Variants in CRKL observed in about 807,000 individuals in gnomAD.
CRKL encodes the protein crk-like protein.
CRKL carries 3 observed loss-of-function variants against 23.0 expected under a neutral mutation model. That is an observed-to-expected ratio of 0.13 (90% CI 0.06 to 0.34). CRKL has a LOEUF of 0.34. Ranked by LOEUF, CRKL falls within the 10% of genes least tolerant of loss-of-function variation. The probability of loss-of-function intolerance (pLI) is 1.00; values close to 1 mark genes in which losing one functional copy is unlikely to be tolerated. For missense variants in CRKL, 256 were observed against 394.5 expected (o/e 0.65, Z 2.97); for synonymous variants, 188 against 160.7 (o/e 1.17, Z -1.28).
intron 2 of CRKL, among the ~76,000 whole-genome samples, chr22:20,949,113 T>C (rs1184717106): frequency 6.6e-6 from 1 of 151,656 alleles, no homozygotes; most frequent in Non-Finnish European, 1.5e-5. Flanking sequence ...GCTGTTTCTG[T>C]GTGTGTGTGT....
intron 1 of CRKL, among the ~76,000 whole-genome samples, chr22:20,921,536 G>GGCGTGGTCAGAGAAAGCATGGGT (rs1920994793): frequency 1.4e-5 from 2 of 143,676 alleles, no homozygotes; most frequent in South Asian, 4.2e-4. Context: ...CCTACCTGGG[G>GGCGTGGTCAGAGAAAGCATGGGT]TGGCGTGGTC....
chr22:20,953,424 AAACAACAACAAC>A lies in CRKL; in HGVS notation c.*3596_*3607del, dbSNP rs55778752. ...TAGACGGTCTTCACTGTGTGTTTTAAAACAACAACAACAACAACAACAACAACATAAAACTCT... is the reference window on the plus strand; with the variant it reads ...TAGACGGTCTTCACTGTGTGTTTTAAAACAACAACAACAACATAAAACTCT... On this transcript the variant is annotated 3_prime_UTR_variant, in exon 3 of 3. Transcript: ENST00000354336. The A allele has an allele frequency of 5.6e-4, 127 of 227,962 alleles. No individual in the cohort carries two copies. The highest frequency in any genetic ancestry group is 3.1e-3 in the Admixed American group (55 of 17,494). The allele number at this position is 227,962 out of a possible 1,614,324, so 14.1% of individuals were successfully genotyped here.
At chr22:20,933,407 T>G (rs1376768233) in intron 1 of CRKL, among the ~76,000 whole-genome samples, 2 of 148,594 alleles carry the variant, frequency 1.3e-5, no homozygotes, top group Non-Finnish European at 3.0e-5. Context: ...TGGCTCATGC[T>G]TGTAATCCCA....
chr22:20,932,355 C>G (rs1014814887), intron 1 of CRKL, among the ~76,000 whole-genome samples: 1 of 152,122 alleles, frequency 6.6e-6, no homozygotes, highest in African/African-American at 2.4e-5. Flanking sequence ...CCTTGGCCTC[C>G]CAAGGTGCTG....
Position 20,950,106 on chromosome 22 carries a change from G to A in CRKL, c.*261G>A, listed in dbSNP as rs760366910. On this transcript the variant is annotated 3_prime_UTR_variant, in exon 3 of 3. Coordinates refer to ENST00000354336, the MANE Select transcript of CRKL (RefSeq NM_005207.4). ...GAAATACTGATGGAAGCACACAAGT[G>A]GAGAGAAGTTGACATGGAAAGGGTC... The A allele has an allele frequency of 4.4e-6, 2 of 452,998 alleles. No individual in the cohort carries two copies. Among genetic ancestry groups the A allele is most frequent in the Non-Finnish European group, 7.7e-6 (2 of 259,740 alleles). The allele number at this position is 452,998 out of a possible 1,614,324, so 28.1% of individuals were successfully genotyped here.
Position 20,952,187 on chromosome 22 carries a change from G to GCTTGACAC in CRKL, c.*2346_*2353dup, listed in dbSNP as rs1352128131. Reference sequence around the variant, plus strand: ...TTTTTCAACCAGATTTAGCTGAAGGGCTTGACACCTTTGAATTACAGCAGT... The same window carrying GCTTGACAC: ...TTTTTCAACCAGATTTAGCTGAAGGGCTTGACACCTTGACACCTTTGAATTACAGCAGT... On this transcript the variant is annotated 3_prime_UTR_variant, in exon 3 of 3. Coordinates refer to ENST00000354336, the MANE Select transcript of CRKL (RefSeq NM_005207.4). 1 of 228,734 alleles carries GCTTGACAC rather than the reference G, an allele frequency of 4.4e-6. No individual in the cohort carries two copies. The highest frequency in any genetic ancestry group is 2.3e-5 in the African/African-American group (1 of 44,234). The allele number at this position is 228,734 out of a possible 1,614,324, so 14.2% of individuals were successfully genotyped here.
At chr22:20,932,586 AACTT>A (rs1180886913) in intron 1 of CRKL, among the ~76,000 whole-genome samples, 17 of 152,174 alleles carry the variant, frequency 1.1e-4, no homozygotes, top group Non-Finnish European at 1.9e-4. Context: ...GCAGCTTCCG[AACTT>A]ACTTGAGATT....
chr22:20,948,422 G>A (rs1922148992), intron 2 of CRKL, among the ~76,000 whole-genome samples: 2 of 151,998 alleles, frequency 1.3e-5, no homozygotes, highest in Non-Finnish European at 2.9e-5. Context: ...CATCCAAAGG[G>A]TATGATCATT....
intron 2 of CRKL, among the ~76,000 whole-genome samples, chr22:20,940,999 A>G (rs187680343): frequency 2.6e-5 from 4 of 152,100 alleles, no homozygotes; most frequent in Admixed American, 2.6e-4. Context: ...ATGAATCCCT[A>G]AGAGATCATC....
Position 20,924,494 on chromosome 22 carries a change from G to A in CRKL, c.311+6249G>A, listed in dbSNP as rs969753508. Among the ~76,000 whole-genome samples, 4 of 152,224 alleles carry A rather than the reference G, an allele frequency of 2.6e-5. No individual in the cohort carries two copies. The South Asian group carries it at 6.2e-4, about 24-fold the overall frequency. On this transcript the variant is annotated intron_variant, in intron 1 of 2. Transcript: ENST00000354336. ...TTTAATCAGCATAGAATTCAACTCT[G>A]TGAATAAACCCCTTTGCGTTTCTCC... is the stretch of plus-strand genomic sequence containing the variant.
chr22:20,939,321 A>G (rs1249901753), intron 2 of CRKL, among the ~76,000 whole-genome samples: 1 of 141,720 alleles, frequency 7.1e-6, no homozygotes, highest in Non-Finnish European at 1.5e-5. Context: ...GCTCACTGCA[A>G]GCTCCGCCTC....
At chr22:20,941,843 C>T (rs1178610899) in intron 2 of CRKL, among the ~76,000 whole-genome samples, 4 of 151,458 alleles carry the variant, frequency 2.6e-5, no homozygotes, top group African/African-American at 7.3e-5. Flanking sequence ...CCACTGCACC[C>T]GGCCCAGAAA....
At chr22:20,930,536 C>T (rs536702991) in intron 1 of CRKL, among the ~76,000 whole-genome samples, 1 of 152,290 alleles carries the variant, frequency 6.6e-6, no homozygotes, top group Admixed American at 6.5e-5. Context: ...CACGCCACCA[C>T]ACCTGGCTAA....
intron 1 of CRKL, among the ~76,000 whole-genome samples, chr22:20,930,930 C>T (rs1034606436): frequency 6.6e-6 from 1 of 151,906 alleles, no homozygotes; most frequent in Non-Finnish European, 1.5e-5. Context: ...GATCCGTCCA[C>T]CTCAGCCTCC....
intron 2 of CRKL, among the ~76,000 whole-genome samples, chr22:20,936,345 G>A (rs909326175): frequency 6.6e-6 from 1 of 151,818 alleles, no homozygotes; most frequent in Non-Finnish European, 1.5e-5. Flanking sequence ...TTTTGTTTTT[G>A]TTTTTGTTTT....
intron 2 of CRKL, among the ~76,000 whole-genome samples, chr22:20,940,666 TTGCTC>T (rs1319311563): frequency 6.6e-6 from 1 of 151,458 alleles, no homozygotes; most frequent in Admixed American, 6.6e-5. Context: ...ATTCCCATAA[TTGCTC>T]TGTGTCATCT....
Position 20,917,972 on chromosome 22 carries a change from C to T in CRKL, c.38C>T (p.Ala13Val), listed in dbSNP as rs776257196. ...AGGTTCGACTCCTCGGACCGCTCCG[C>T]CTGGTATATGGGGCCGGTGTCTCGC... ...SARFDSSDRS[A>V]WYMGPVSRQE... Residue 13 changes from alanine (A) to valine (V), a missense_variant, in exon 1 of 3, where the codon GCC (alanine) becomes GTC (valine). Physicochemically the swap from Ala to Val is moderately conservative, Grantham distance 64. This residue lies in a region of CRKL where 85 missense variants were observed against 139.8 expected (regional missense o/e 0.61). Transcript: ENST00000354336. The T allele has an allele frequency of 3.1e-6, 5 of 1,614,146 alleles. No individual in the cohort carries two copies. The highest frequency in any genetic ancestry group is 1.7e-5 in the Admixed American group (1 of 60,018).
In CRKL at chr22:20,950,308, T is replaced by C. The variant is rs1234575530; in HGVS notation, c.*463T>C. ...AACCTTAAGGAAGAGAGAATTCTGT[T>C]CTAAAACTCCAAAATCTGGCTTTTT... On this transcript the variant is annotated 3_prime_UTR_variant, in exon 3 of 3. Coordinates refer to ENST00000354336, the MANE Select transcript of CRKL (RefSeq NM_005207.4). 4.3e-6 allele frequency: 1 copy of C among 230,080 alleles called. No individual in the cohort carries two copies. The highest frequency in any genetic ancestry group is 2.3e-5 in the African/African-American group (1 of 44,192). The allele number at this position is 230,080 out of a possible 1,614,324, so 14.3% of individuals were successfully genotyped here.
chr22:20,952,534 C>T lies in CRKL; in HGVS notation c.*2689C>T, dbSNP rs990438149. ...TGAGGCAGGGATACTCTGTTTTTCA[C>T]ACTAAACATATGAATGCAGCACTGC... is the stretch of plus-strand genomic sequence containing the variant. On this transcript the variant is annotated 3_prime_UTR_variant, in exon 3 of 3. Transcript: ENST00000354336. 14 of 231,822 alleles carry T rather than the reference C, an allele frequency of 6.0e-5. No individual in the cohort carries two copies. Among genetic ancestry groups the T allele is most frequent in the Non-Finnish European group, 1.2e-4 (14 of 117,056 alleles). 14.4% of individuals were successfully genotyped at this position (231,822 alleles called of 1,614,324 possible).
Sources: gnomAD v4.1 joint callset for allele counts (sites outside exome capture counted in the v4.1 genomes callset) on GRCh38, gnomAD v4.1.1 for gene constraint, gnomAD v4.1.1 regional missense constraint, MANE v1.5 for transcripts, NCBI Gene and HGNC (gene_info 2026-07-23, HGNC 2026-07-21) for gene names.